Variants in F8 observed in about 807,000 individuals in gnomAD.
The protein encoded by F8 is coagulation factor VIII.
In F8, 12 loss-of-function variants were observed where a neutral mutation model predicts 140.6. The observed-to-expected ratio is 0.09, with a 90% CI of 0.05 to 0.14. F8 has a LOEUF of 0.14. F8 is among the 10% of genes least tolerant of loss of function. F8 has a pLI of 1.00. For synonymous variants in F8, 585 were observed against 614.6 expected (o/e 0.95, Z 0.71); for missense variants, 1,354 against 1,720.7 (o/e 0.79, Z 3.77).
chrX:154,956,356 G>T (rs2073365089), intron 11 of F8, among the ~76,000 whole-genome samples: 1 of 112,246 alleles, frequency 8.9e-6, no homozygotes, highest in South Asian at 3.7e-4. Context: ...TTAAAGTAAA[G>T]ACAGGCATAG....
chrX:154,953,436 G>A (rs1160666167), intron 12 of F8, among the ~76,000 whole-genome samples: 1 of 111,904 alleles, frequency 8.9e-6, no homozygotes, highest in Non-Finnish European at 1.9e-5. Flanking sequence ...AGAAACCAAC[G>A]TTGCCCACAT....
chrX:154,921,054 T>C (rs1373210256), intron 14 of F8, among the ~76,000 whole-genome samples: 1 of 112,183 alleles, frequency 8.9e-6, no homozygotes, highest in Non-Finnish European at 1.9e-5. Context: ...TTTGTCTTTC[T>C]GAGAAAATCT....
chrX:154,901,592 G>A lies in F8; in HGVS notation c.6116-150C>T, dbSNP rs2073009945. 16 of 529,133 alleles carry A rather than the reference G, an allele frequency of 3.0e-5. No individual in the cohort carries two copies. The South Asian group carries it at 4.3e-4, about 14-fold the overall frequency. The allele number at this position is 529,133 out of a possible 1,213,427, so 43.6% of individuals were successfully genotyped here. On this transcript the variant is annotated intron_variant, in intron 19 of 25. Coordinates refer to ENST00000360256, the MANE Select transcript of F8 (RefSeq NM_000132.4). ...CTGTACTCAACGTTTTACTGTATTAGTTCATTTAATTAATCCTAACAGGTG... is the reference window on the plus strand; with the variant it reads ...CTGTACTCAACGTTTTACTGTATTAATTCATTTAATTAATCCTAACAGGTG...
At position 154,966,544 on chromosome X, in the gene F8, G is replaced by A; in HGVS notation, c.1153C>T (p.Pro385Ser). ...DVVRFDDDNS[P>S]SFIQIRSVAK... ...ACTGAGCGAATTTGGATAAAGGAAG[G>A]AGAGTTGTCATCATCAAACCTGACC... is the stretch of plus-strand genomic sequence containing the variant. Residue 385 changes from proline to serine, a missense_variant, in exon 8 of 26, where the codon CCT becomes TCT. This residue lies in a region of F8 where 252 missense variants were observed against 338.5 expected (regional missense o/e 0.74). Coordinates refer to ENST00000360256, the MANE Select transcript of F8 (RefSeq NM_000132.4). 1 of 1,211,613 alleles carries A rather than the reference G, an allele frequency of 8.3e-7. No homozygotes were observed. The highest frequency in any genetic ancestry group is 1.8e-5 in the South Asian group (1 of 56,973).
chrX:154,976,561 C>T (rs1474737937), intron 6 of F8, among the ~76,000 whole-genome samples: 1 of 109,833 alleles, frequency 9.1e-6, no homozygotes, highest in Non-Finnish European at 1.9e-5. Context: ...TCTCCTAATG[C>T]TATCCCTCCC....
chrX:154,983,661 CA>C (rs1477594337), intron 6 of F8, among the ~76,000 whole-genome samples: 1 of 112,242 alleles, frequency 8.9e-6, no homozygotes, highest in Non-Finnish European at 1.9e-5. Context: ...CTGCCTGTCC[CA>C]AGTGGGTGAG....
chrX:154,972,240 T>C (rs781922386), intron 6 of F8, among the ~76,000 whole-genome samples: 8 of 112,067 alleles, frequency 7.1e-5, no homozygotes, highest in Non-Finnish European at 1.9e-5. Context: ...TGATATCTCA[T>C]TGTAGTTTTG....
At chrX:154,903,048 T>C (rs1229175959) in intron 18 of F8, among the ~76,000 whole-genome samples, 3 of 112,337 alleles carry the variant, frequency 2.7e-5, no homozygotes, top group African/African-American at 9.7e-5. Flanking sequence ...TAATTTCTGA[T>C]TTGAACTGTA....
At chrX:154,893,540 G>A (rs149623384) in intron 22 of F8, among the ~76,000 whole-genome samples, 1,236 of 111,405 alleles carry the variant, frequency 0.011, 20 homozygotes, top group African/African-American at 0.039. Flanking sequence ...GAATCTGGGT[G>A]GATATGCGAT....
chrX:154,982,464 A>ATAT (rs1557283821), intron 6 of F8, among the ~76,000 whole-genome samples: 3 of 83,385 alleles, frequency 3.6e-5, no homozygotes, highest in African/African-American at 1.1e-4. Flanking sequence ...AAAAAAAAAA[A>ATAT]ATATATATAT....
intron 1 of F8, among the ~76,000 whole-genome samples, chrX:155,011,374 G>C (rs1300459088): frequency 8.9e-6 from 1 of 112,298 alleles, no homozygotes; most frequent in African/African-American, 3.2e-5. Flanking sequence ...ATCCACACTA[G>C]GATGAGTATA....
chrX:154,836,663 G>T lies in F8; in HGVS notation c.*934C>A, dbSNP rs1483682034. On this transcript the variant is annotated 3_prime_UTR_variant, in exon 26 of 26. Coordinates refer to ENST00000360256, the MANE Select transcript of F8 (RefSeq NM_000132.4). Reference sequence around the variant, plus strand: ...GTATCTCCTATCTCAGATAACCATGGATTTTCCTCATATTTCCACAGAAAT... The same window carrying T: ...GTATCTCCTATCTCAGATAACCATGTATTTTCCTCATATTTCCACAGAAAT... 3 of 111,473 alleles carry T rather than the reference G, an allele frequency of 2.7e-5. No homozygotes were observed. The highest frequency in any genetic ancestry group is 5.7e-5 in the Non-Finnish European group (3 of 53,096). The allele number at this position is 111,473 out of a possible 1,213,427, so 9.2% of individuals were successfully genotyped here. A position where few individuals can be genotyped will look rare whatever the true frequency, so the allele number is the denominator to read the frequency against.
At chrX:154,933,248 A>C (rs1195087502) in intron 13 of F8, among the ~76,000 whole-genome samples, 3 of 112,416 alleles carry the variant, frequency 2.7e-5, no homozygotes, top group Non-Finnish European at 5.6e-5. Flanking sequence ...ACATATACAA[A>C]ATTTGAAGTA....
chrX:154,852,235 AT>A (rs368258149), intron 25 of F8, among the ~76,000 whole-genome samples: 2 of 108,444 alleles, frequency 1.8e-5, no homozygotes, highest in East Asian at 2.9e-4. Context: ...ATGCCAGCTA[AT>A]TTTTTTTTCT....
intron 23 of F8, among the ~76,000 whole-genome samples, chrX:154,862,866 T>C (rs1409612965): frequency 2.7e-5 from 3 of 112,291 alleles, no homozygotes; most frequent in African/African-American, 9.7e-5. Context: ...TGTGTCTTTA[T>C]GACAGAATGA....
At chrX:154,873,966 CAACAAA>C (rs2072793748) in intron 22 of F8, among the ~76,000 whole-genome samples, 4 of 111,848 alleles carry the variant, frequency 3.6e-5, no homozygotes, top group African/African-American at 1.3e-4. Flanking sequence ...AAAGCACAGG[CAACAAA>C]AACAAAAATA....
At chrX:154,981,965 C>G (rs1405013073) in intron 6 of F8, among the ~76,000 whole-genome samples, 1 of 111,575 alleles carries the variant, frequency 9.0e-6, no homozygotes, top group Non-Finnish European at 1.9e-5. Flanking sequence ...GCGGGCAGAT[C>G]ACGAGGTCAG....
At chrX:155,004,848 AG>A (rs2073667771) in intron 1 of F8, among the ~76,000 whole-genome samples, 1 of 112,262 alleles carries the variant, frequency 8.9e-6, no homozygotes, top group South Asian at 3.7e-4. Context: ...TTGAAGGCAC[AG>A]CTGAGGCACT....
intron 13 of F8, among the ~76,000 whole-genome samples, chrX:154,942,099 T>C (rs1557279810): frequency 1.0e-5 from 1 of 96,887 alleles, no homozygotes; most frequent in Non-Finnish European, 2.1e-5. Flanking sequence ...ACATCACAAT[T>C]AAAAGAACTA....
Sources: allele counts gnomAD v4.1 joint callset (sites outside exome capture counted in the v4.1 genomes callset), GRCh38; gene constraint gnomAD v4.1.1; regional missense constraint gnomAD v4.1.1; transcripts MANE v1.5; gene names NCBI Gene and HGNC (gene_info 2026-07-23, HGNC 2026-07-21).